Variants in SGCA observed in about 807,000 individuals in gnomAD.
The protein encoded by SGCA is sarcoglycan alpha.
Under a neutral mutation model 38.1 loss-of-function variants are expected in SGCA, and 34 were observed. That is an observed-to-expected ratio of 0.89 (90% CI 0.68 to 1.19). SGCA has a LOEUF of 1.19. Among genes scored for constraint, SGCA ranks in the 50% most tolerant of loss-of-function variants. The pLI is 0.00. For missense variants in SGCA, 476 were observed against 524.9 expected (o/e 0.91, Z 0.91); for synonymous variants, 209 against 214.6 (o/e 0.97, Z 0.23).
chr17:50,168,984 T>A (rs1303497827), intron 5 of SGCA, 108 bp from the exon 6 acceptor site: 1 of 1,020,548 alleles, frequency 9.8e-7, no homozygotes, highest in East Asian at 2.4e-5. Flanking sequence ...CCTCATCCCA[T>A]CCCCAGGTCA....
In SGCA at chr17:50,168,708, ACT is replaced by A. The variant is rs1198960306; in HGVS notation, c.584+140_584+141del. The A allele has an allele frequency of 8.8e-5, 69 of 785,508 alleles. No homozygotes were observed. In the East Asian group the frequency reaches 1.8e-3, roughly 20 times the overall value. The allele number at this position is 785,508 out of a possible 1,614,324, so 48.7% of individuals were successfully genotyped here. A position where few individuals can be genotyped will look rare whatever the true frequency, so the allele number is the denominator to read the frequency against. On this transcript the variant is annotated intron_variant, in intron 5 of 9. Coordinates refer to ENST00000262018, the MANE Select transcript of SGCA (RefSeq NM_000023.4). Reference sequence around the variant, plus strand: ...ACCTCCCAGCTTCACACCCCTCACCACTCTCCTCTGGCTATACCCGCATCTCC... The same window carrying A: ...ACCTCCCAGCTTCACACCCCTCACCACTCCTCTGGCTATACCCGCATCTCC...
chr17:50,169,304 C>T (rs1389293501), intron 6 of SGCA, 50 bp downstream of exon 6: 8 of 1,510,482 alleles, frequency 5.3e-6, no homozygotes, highest in Admixed American at 1.8e-5. Context: ...GGCCCCCATC[C>T]CAGTCCCCCT....
In SGCA at chr17:50,175,408, C is replaced by A; in HGVS notation, c.1135C>A (p.Gln379Lys). 6.2e-7 allele frequency: 1 copy of A among 1,613,186 alleles called. No individual in the cohort carries two copies. Among genetic ancestry groups the A allele is most frequent in the Non-Finnish European group, 8.5e-7 (1 of 1,180,016 alleles). Residue 379 changes from glutamine to lysine, a missense_variant, in exon 9 of 10, where the codon CAG (glutamine) becomes AAG (lysine). By Grantham distance (53) the Gln-to-Lys change is moderately conservative. Transcript: ENST00000262018. ...GCTGCCTCCCCGCGTGGACAGCGCC[C>A]AGGTGCCCCTCATTCTGGACCAGCA... Reference protein sequence around the residue: ...ERLPPRVDSAQVPLILDQH With the variant: ...ERLPPRVDSAKVPLILDQH
intron 1 of SGCA, 48 bp downstream of exon 1, chr17:50,166,125 G>A: frequency 1.3e-6 from 2 of 1,517,698 alleles, no homozygotes; most frequent in Non-Finnish European, 1.8e-6. Context: ...GAGGGGGCAG[G>A]ATTTAGGGGT....
At chr17:50,173,098 G>T (rs1015705225) in intron 8 of SGCA, among the ~76,000 whole-genome samples, 1 of 152,192 alleles carries the variant, frequency 6.6e-6, no homozygotes, top group Admixed American at 6.5e-5. Flanking sequence ...AGAAAAATCT[G>T]CTGCCTCAGT....
intron 7 of SGCA, 111 bp downstream of exon 7, chr17:50,170,462 A>C: frequency 7.3e-7 from 1 of 1,362,742 alleles, no homozygotes; most frequent in Non-Finnish European, 1.0e-6. Flanking sequence ...TGGGGTTCTC[A>C]GGCACAAAAG....
chr17:50,170,512 C>A (rs1202603957), intron 7 of SGCA, 128 bp from the exon 8 acceptor site: 24 of 1,328,844 alleles, frequency 1.8e-5, no homozygotes, highest in Middle Eastern at 2.2e-4. Context: ...GGGCTTGAGA[C>A]CTGCCTGGCC....
rs1905908372 is a variant in SGCA, at chr17:50,175,884, A to G, written c.*185A>G. The G allele has an allele frequency of 2.2e-6, 1 of 460,054 alleles. No individual in the cohort carries two copies. 28.5% of individuals were successfully genotyped at this position (460,054 alleles called of 1,614,324 possible). A position where few individuals can be genotyped will look rare whatever the true frequency, so the allele number is the denominator to read the frequency against. The stretch of plus-strand genomic sequence containing the variant: ...TGGAGTAAGGACATTCAGAATAAAT[A>G]TCTGCTGCTCTGCTCACCAATTGCT... On this transcript the variant is annotated 3_prime_UTR_variant, in exon 10 of 10. Coordinates refer to ENST00000262018, the MANE Select transcript of SGCA (RefSeq NM_000023.4).
intron 5 of SGCA, 132 bp downstream of exon 5, chr17:50,168,704 C>T (rs1259396265): frequency 1.3e-6 from 1 of 799,338 alleles, no homozygotes; most frequent in Non-Finnish European, 2.1e-6. Flanking sequence ...TCACACCCCT[C>T]ACCACTCTCC....
At chr17:50,175,645 G>C (rs566160814) in intron 9 of SGCA, 67 bp from the exon 10 acceptor site, 4 of 692,598 alleles carry the variant, frequency 5.8e-6, no homozygotes, top group Non-Finnish European at 1.1e-5. Flanking sequence ...CAGTTGGAGT[G>C]TCAGGGTGGG....
chr17:50,168,321 C>A, intron 4 of SGCA, 53 bp from the exon 5 acceptor site: 2 of 1,480,818 alleles, frequency 1.4e-6, no homozygotes, highest in Non-Finnish European at 1.8e-6. Flanking sequence ...GGAGGCTTTG[C>A]GGGGCAGAGC....
chr17:50,172,122 T>C, intron 8 of SGCA: 1 of 456,504 alleles, frequency 2.2e-6, no homozygotes, highest in Non-Finnish European at 4.4e-6. Flanking sequence ...CTGAGGTGTG[T>C]CCCGGTTCCT....
At chr17:50,168,626 G>C (rs374090814) in intron 5 of SGCA, 54 bp downstream of exon 5, 1 of 1,493,370 alleles carries the variant, frequency 6.7e-7, no homozygotes. Flanking sequence ...AGCTTGTGGC[G>C]GGCATAGAAC....
Position 50,172,009 on chromosome 17 carries a change from G to A in SGCA, c.983+1343G>A, listed in dbSNP as rs144326926. Reference sequence around the variant, plus strand: ...CAACAGCACTGATGGAGACAGTGGCGAAGTGCCTTTCTGCTTCTCTCCCTG... The same window carrying A: ...CAACAGCACTGATGGAGACAGTGGCAAAGTGCCTTTCTGCTTCTCTCCCTG... On this transcript the variant is annotated intron_variant, in intron 8 of 9. Coordinates refer to ENST00000262018, the MANE Select transcript of SGCA (RefSeq NM_000023.4). 1,061 of 456,528 alleles carry A rather than the reference G, an allele frequency of 2.3e-3. 1 individual carries two copies. The highest frequency in any genetic ancestry group is 4.1e-3 in the Non-Finnish European group (927 of 226,838). The allele number at this position is 456,528 out of a possible 1,614,324, so 28.3% of individuals were successfully genotyped here. A position where few individuals can be genotyped will look rare whatever the true frequency, so the allele number is the denominator to read the frequency against.
At chr17:50,172,562 C>A (rs927761225) in intron 8 of SGCA, 2 of 292,760 alleles carry the variant, frequency 6.8e-6, no homozygotes, top group Non-Finnish European at 1.4e-5. Context: ...CTCACTGCAA[C>A]CTCAGACTCC....
rs371675217 is a variant in SGCA, at chr17:50,167,431, G to T, written c.101G>T (p.Arg34Leu). The T allele has an allele frequency of 6.2e-7, 1 of 1,614,160 alleles. No homozygotes were observed. The highest frequency in any genetic ancestry group is 1.1e-5 in the South Asian group (1 of 91,080). Reference sequence around the variant, plus strand: ...ACCACGCTACACCCACTTGTGGGCCGTGTCTTTGTGCACACCTTGGACCAT... The same window carrying T: ...ACCACGCTACACCCACTTGTGGGCCTTGTCTTTGTGCACACCTTGGACCAT... ...QQTTLHPLVGRVFVHTLDHET... is the reference protein window; with the variant it reads ...QQTTLHPLVGLVFVHTLDHET... The change falls in exon 2 of 10, where the codon CGT (arginine) becomes CTT (leucine). Residue 34 changes from arginine to leucine, a missense_variant. By Grantham distance (102) the Arg-to-Leu change is moderately radical. Coordinates refer to ENST00000262018, the MANE Select transcript of SGCA (RefSeq NM_000023.4). This position sits in a 1 kb window ranked among gnomAD's most constrained non-coding sequence, Gnocchi z 4.5.
At chr17:50,174,000 G>A (rs1188426103) in intron 8 of SGCA, among the ~76,000 whole-genome samples, 3 of 150,934 alleles carry the variant, frequency 2.0e-5, no homozygotes, top group Non-Finnish European at 4.4e-5. Context: ...CTTCAGCCCT[G>A]CCTGGGGCCC....
At chr17:50,166,340 A>G (rs887233071) in intron 1 of SGCA, among the ~76,000 whole-genome samples, 9 of 152,096 alleles carry the variant, frequency 5.9e-5, no homozygotes, top group Non-Finnish European at 1.0e-4. Flanking sequence ...CACAGGCCCA[A>G]AGGGTCGTGG....
chr17:50,170,862 C>G (rs185412634), intron 8 of SGCA, among the ~76,000 whole-genome samples, 196 bp downstream of exon 8: 1 of 152,272 alleles, frequency 6.6e-6, no homozygotes, highest in Non-Finnish European at 1.5e-5. Flanking sequence ...AAGTTTGAGG[C>G]CAGCCTGGGC....
Sources: gnomAD v4.1 joint callset for allele counts (sites outside exome capture counted in the v4.1 genomes callset) on GRCh38, gnomAD v4.1.1 for gene constraint, Gnocchi (gnomAD v3.1) non-coding constraint, MANE v1.5 for transcripts, NCBI Gene and HGNC (gene_info 2026-07-23, HGNC 2026-07-21) for gene names.